Variants in RESP18 observed in about 807,000 individuals in gnomAD.
RESP18 encodes the protein regulated endocrine-specific protein 18.
Under a neutral mutation model 30.0 loss-of-function variants are expected in RESP18, and 30 were observed. That is an observed-to-expected ratio of 1.00 (90% confidence interval 0.75 to 1.36). The LOEUF (loss-of-function observed/expected upper bound fraction) is 1.36. Ranked by LOEUF, RESP18 falls within the 40% of genes most tolerant of loss-of-function variation. The pLI is 0.00. For missense variants in RESP18, 320 were observed against 284.2 expected (o/e 1.13, Z -0.91); for synonymous variants, 117 against 111.2 (o/e 1.05, Z -0.33).
Position 219,328,247 on chromosome 2 carries a change from C to T in RESP18, c.640+677G>A, listed in dbSNP as rs943048788. Among the ~76,000 whole-genome samples the T allele has an allele frequency of 2.3e-4, 35 of 152,232 alleles. 2 individuals are homozygous for T. Reference sequence around the variant, plus strand: ...TGAAATTCAAACCTTTTGCTATGATCTGTGAGCCCCTGTGTGGTCAGTCCT... The same window carrying T: ...TGAAATTCAAACCTTTTGCTATGATTTGTGAGCCCCTGTGTGGTCAGTCCT... On this transcript the variant is annotated intron_variant, in intron 6 of 6. Transcript: ENST00000333527.
At position 219,329,706 on chromosome 2, in the gene RESP18, G is replaced by A; in HGVS notation, c.396C>T (p.Ala132=). The A allele has an allele frequency of 6.4e-7, 1 of 1,551,560 alleles. No homozygotes were observed. The highest frequency in any genetic ancestry group is 8.7e-7 in the Non-Finnish European group (1 of 1,146,982). ...ATGGTTCTTGGGGATGCAGTCTGCT[G>A]GCATGCTCCATCTTTTGGATCATTG... Residue 132 remains alanine, a synonymous_variant, in exon 4 of 7, where the codon GCC becomes GCT. Coordinates refer to ENST00000333527, the MANE Select transcript of RESP18 (RefSeq NM_001007089.4).
At chr2:219,332,030 C>T (rs1952836959) in intron 2 of RESP18, among the ~76,000 whole-genome samples, 2 of 152,170 alleles carry the variant, frequency 1.3e-5, no homozygotes, top group Non-Finnish European at 2.9e-5. Flanking sequence ...AGCGCGGGGT[C>T]TACGCGGATT....
chr2:219,328,018 C>T (rs1952791196), intron 6 of RESP18, among the ~76,000 whole-genome samples: 1 of 152,192 alleles, frequency 6.6e-6, no homozygotes, highest in South Asian at 2.1e-4. Context: ...CGGGGGTGCC[C>T]TGCTTCACTG....
chr2:219,332,798 C>T, intron 1 of RESP18, 54 bp from the exon 1 acceptor site: 2 of 1,311,158 alleles, frequency 1.5e-6, no homozygotes, highest in Non-Finnish European at 2.1e-6. Flanking sequence ...CTGCGGTCGC[C>T]TCCCCAGCTC....
chr2:219,329,770 G>A lies in RESP18; in HGVS notation c.338-6C>T, dbSNP rs749370820. ...GTCATCCTTCCAGAACAGACCTGCA[G>A]GATGAAAGGATGGGGGGTGAGTTGA... On this transcript the variant is annotated splice_region_variant and splice_polypyrimidine_tract_variant and intron_variant, in intron 3 of 6. Coordinates refer to ENST00000333527, the MANE Select transcript of RESP18 (RefSeq NM_001007089.4). The A allele has an allele frequency of 6.4e-7, 1 of 1,550,524 alleles. No individual in the cohort carries two copies. Among genetic ancestry groups the A allele is most frequent in the South Asian group, 1.2e-5 (1 of 83,980 alleles).
At position 219,330,819 on chromosome 2, in the gene RESP18, G is replaced by A. The variant is rs550042077; in HGVS notation, c.289C>T (p.Pro97Ser). ...ACAACCTGTAAATGCTGGAAGACTG[G>A]GGTGGCAAATCCTTGGAGGGGCCAA... Residue 97 changes from proline to serine, a missense_variant, in exon 3 of 7, where the codon CCA becomes TCA. Coordinates refer to ENST00000333527, the MANE Select transcript of RESP18 (RefSeq NM_001007089.4). 4 of 1,551,368 alleles carry A rather than the reference G, an allele frequency of 2.6e-6. No homozygotes were observed. The highest frequency in any genetic ancestry group is 2.4e-5 in the South Asian group (2 of 84,054).
chr2:219,333,066 A>T, intron 1 of RESP18: 2 of 1,137,154 alleles, frequency 1.8e-6, no homozygotes, highest in Non-Finnish European at 2.4e-6. Flanking sequence ...TGGCCCACTT[A>T]AAACCCTTTA....
chr2:219,329,455 T>A (rs996027799), intron 4 of RESP18, 182 bp downstream of exon 3: 56 of 1,550,556 alleles, frequency 3.6e-5, no homozygotes, highest in Non-Finnish European at 4.7e-5. Flanking sequence ...CACACCCACC[T>A]CCCCTCCCTT....
At chr2:219,331,132 G>C (rs1952826593) in intron 2 of RESP18, 1 of 388,420 alleles carries the variant, frequency 2.6e-6, no homozygotes, top group Non-Finnish European at 4.7e-6. Context: ...GCAGCCTGTA[G>C]AAGTTCAGAT....
At chr2:219,330,938 G>A in intron 2 of RESP18, 63 bp from the exon 2 acceptor site, 1 of 955,154 alleles carries the variant, frequency 1.0e-6, no homozygotes, top group Non-Finnish European at 1.7e-6. Flanking sequence ...CCCAGTTGAA[G>A]AGAAGCAGCT....
chr2:219,328,652 A>G (rs1479911360), intron 6 of RESP18, among the ~76,000 whole-genome samples: 1 of 152,146 alleles, frequency 6.6e-6, no homozygotes, highest in Non-Finnish European at 1.5e-5. Flanking sequence ...ATCTATAAAG[A>G]TGGATGGGAG....
Position 219,329,669 on chromosome 2 carries a change from C to T in RESP18, c.433G>A (p.Gly145Arg). ...GTTTTAGTGGGGAAAAGTGCCTTCC[C>T]ATCCTTCAGGCATGGTTCTTGGGGA... The change falls in exon 4 of 7, where the codon GGG (glycine) becomes AGG (arginine). Residue 145 changes from glycine to arginine, a missense_variant. Physicochemically the swap from Gly to Arg is moderately radical, Grantham distance 125 (BLOSUM62 -2). Coordinates refer to ENST00000333527, the MANE Select transcript of RESP18 (RefSeq NM_001007089.4). 6.4e-7 allele frequency: 1 copy of T among 1,551,578 alleles called. No homozygotes were observed. Among genetic ancestry groups the T allele is most frequent in the Non-Finnish European group, 8.7e-7 (1 of 1,146,994 alleles).
At position 219,333,112 on chromosome 2, in the gene RESP18, T is replaced by A. The variant is rs950863337; in HGVS notation, c.17+49A>T. The A allele has an allele frequency of 1.3e-5, 16 of 1,226,112 alleles. 1 individual carries two copies. The highest frequency in any genetic ancestry group is 1.7e-5 in the Non-Finnish European group (16 of 931,198). 76.0% of individuals were successfully genotyped at this position (1,226,112 alleles called of 1,614,324 possible). The stretch of plus-strand genomic sequence containing the variant: ...AGGTTCGATCTGCTATATATATATA[T>A]ATAATATTATATATTATATATTATA... On this transcript the variant is annotated intron_variant, in intron 1 of 6. Coordinates refer to ENST00000333527, the MANE Select transcript of RESP18 (RefSeq NM_001007089.4).
chr2:219,328,439 CA>C (rs5838735), intron 6 of RESP18, among the ~76,000 whole-genome samples: 56,824 of 144,602 alleles, frequency 0.39, 13,058 homozygotes, highest in African/African-American at 0.65. Context: ...GGTCTTAGTC[CA>C]AAAAAAAAAA....
At chr2:219,333,046 C>T (rs993301325) in intron 1 of RESP18, 4 of 952,030 alleles carry the variant, frequency 4.2e-6, no homozygotes, top group East Asian at 3.0e-5. Context: ...ATCCTTGACA[C>T]TCTTTACTCT....
intron 4 of RESP18, 163 bp from the exon 4 acceptor site, chr2:219,329,415 C>T (rs1952806583): frequency 6.4e-7 from 1 of 1,551,304 alleles, no homozygotes; most frequent in African/African-American, 1.4e-5. Context: ...CTAGAAGAGA[C>T]AGGGAATGAC....
At chr2:219,327,620 C>G in intron 6 of RESP18, 57 bp from the exon 6 acceptor site, 1 of 1,375,380 alleles carries the variant, frequency 7.3e-7, no homozygotes, top group Non-Finnish European at 1.0e-6. Flanking sequence ...TGGCTCCTCC[C>G]TCATCTGCCC....
intron 2 of RESP18, among the ~76,000 whole-genome samples, chr2:219,331,483 G>C (rs893288456): frequency 6.6e-6 from 1 of 152,164 alleles, no homozygotes; most frequent in Non-Finnish European, 1.5e-5. Context: ...AGCCATTCTG[G>C]ACAGGTCTTT....
chr2:219,330,174 T>C (rs1173797466), intron 3 of RESP18, among the ~76,000 whole-genome samples: 2 of 152,232 alleles, frequency 1.3e-5, no homozygotes, highest in Non-Finnish European at 2.9e-5. Flanking sequence ...ACAAGTTCCC[T>C]GGCGAGGTTG....
Sources: gnomAD v4.1 joint callset for allele counts (sites outside exome capture counted in the v4.1 genomes callset) on GRCh38, gnomAD v4.1.1 for gene constraint, MANE v1.5 for transcripts, NCBI Gene and HGNC (gene_info 2026-07-23, HGNC 2026-07-21) for gene names.